The following DLGAP2 variants were observed in gnomAD, a reference collection of about 807,000 sequenced individuals.
The protein encoded by DLGAP2 is DLG associated protein 2, also known as disks large-associated protein 2.
A neutral mutation model predicts 100.3 loss-of-function variants in DLGAP2; 26 were observed. The ratio of observed to expected loss-of-function variants is 0.26; its 90% CI spans 0.19 to 0.36. The LOEUF (loss-of-function observed/expected upper bound fraction) is 0.36. DLGAP2 is among the 10% of genes least tolerant of loss of function. The pLI, the probability that DLGAP2 is intolerant of heterozygous loss-of-function variation, is 1.00. For synonymous variants in DLGAP2, 886 were observed against 630.1 expected, an observed-to-expected ratio of 1.41 and a Z score of -6.08; for missense variants, 1,858 against 1,453.2, an observed-to-expected ratio of 1.28 and a Z score of -4.53.
intron 2 of DLGAP2, among the ~76,000 whole-genome samples, chr8:1,126,391 G>A (rs1796165437): frequency 6.6e-6 from 1 of 151,516 alleles, no homozygotes; most frequent in Non-Finnish European, 1.5e-5. Flanking sequence ...GGCAGATGAG[G>A]AGGGAGGCAG....
intron 3 of DLGAP2, among the ~76,000 whole-genome samples, chr8:1,418,009 C>T (rs929683522): frequency 7.2e-5 from 11 of 152,310 alleles, no homozygotes; most frequent in Admixed American, 2.0e-4. Flanking sequence ...AGAATGGGCT[C>T]TACAGTCCCG....
intron 2 of DLGAP2, among the ~76,000 whole-genome samples, chr8:969,330 T>C (rs1246754791): frequency 6.6e-6 from 1 of 152,172 alleles, no homozygotes; most frequent in Non-Finnish European, 1.5e-5. Flanking sequence ...TCTGCAGATC[T>C]TGGGACTCGT....
rs1563168811 is a variant in DLGAP2, at chr8:1,471,343, CG to C, written c.107-30022del. Reference sequence around the variant, plus strand: ...CTTTCCCGACCCCTCCAGCCTTTCCCGACCCCTCCAGCTTTTCCCGACCCCT... The same window carrying C: ...CTTTCCCGACCCCTCCAGCCTTTCCCACCCCTCCAGCTTTTCCCGACCCCT... On this transcript the variant is annotated intron_variant, in intron 3 of 14. Coordinates refer to ENST00000637795, the MANE Select transcript of DLGAP2 (RefSeq NM_001346810.2). 8.1e-4 allele frequency among the ~76,000 whole-genome samples: 37 copies of C among 45,672 alleles called. 10 individuals carry two copies. Among genetic ancestry groups the C allele is most frequent in the East Asian group, 1.6e-3 (4 of 2,558 alleles). The allele number at this position is 45,672 out of a possible 152,430, so 30.0% of individuals were successfully genotyped here. A position where few individuals can be genotyped will look rare whatever the true frequency, so the allele number is the denominator to read the frequency against.
At chr8:1,319,570 G>A (rs1800848007) in intron 3 of DLGAP2, among the ~76,000 whole-genome samples, 1 of 152,232 alleles carries the variant, frequency 6.6e-6, no homozygotes, top group Non-Finnish European at 1.5e-5. Context: ...ATTTCAAGGA[G>A]CTTGTATTCT....
intron 3 of DLGAP2, among the ~76,000 whole-genome samples, chr8:1,267,340 T>G (rs1799476325): frequency 6.6e-6 from 1 of 151,080 alleles, no homozygotes; most frequent in South Asian, 2.1e-4. Flanking sequence ...GCCGAGGCGG[T>G]GGATCACTTG....
chr8:1,526,203 C>G (rs1194786503), intron 4 of DLGAP2, among the ~76,000 whole-genome samples: 1 of 151,624 alleles, frequency 6.6e-6, no homozygotes, highest in Non-Finnish European at 1.5e-5. Flanking sequence ...CTGCTGGAGC[C>G]TCCTGCATTG....
rs531869991 is a variant in DLGAP2, at chr8:903,255, G to T, written c.19-4657G>T. Among the ~76,000 whole-genome samples, 10 of 152,206 alleles carry T rather than the reference G, an allele frequency of 6.6e-5. No individual in the cohort carries two copies. In the South Asian group the frequency reaches 2.1e-3, roughly 32 times the overall value. On this transcript the variant is annotated intron_variant, in intron 1 of 14. Coordinates refer to ENST00000637795, the MANE Select transcript of DLGAP2 (RefSeq NM_001346810.2). ...CAAGGATGTTTTATGAAGCTACTCAGCAGGTTGGGGAATAGCTGGGTTTGG... is the reference window on the plus strand; with the variant it reads ...CAAGGATGTTTTATGAAGCTACTCATCAGGTTGGGGAATAGCTGGGTTTGG...
At chr8:1,179,430 G>T (rs1212997004) in intron 2 of DLGAP2, among the ~76,000 whole-genome samples, 2 of 152,250 alleles carry the variant, frequency 1.3e-5, no homozygotes, top group African/African-American at 4.8e-5. Context: ...TTCTGGGAAG[G>T]CTCAGCTCCC....
rs1167062398 is a variant in DLGAP2, at chr8:1,558,853, A to G, written c.1231-6830A>G. ...CATGCATGCACACCCATATACCTGC[A>G]CACACACATACACATATACGTACTT... On this transcript the variant is annotated intron_variant, in intron 5 of 14. Transcript: ENST00000637795. Among the ~76,000 whole-genome samples the G allele has an allele frequency of 2.3e-5, 3 of 129,996 alleles. No homozygotes were observed. The East Asian group carries it at 7.8e-4, about 34-fold the overall frequency. 85.3% of individuals were successfully genotyped at this position (129,996 alleles called of 152,430 possible).
chr8:741,546 G>T, intron 1 of DLGAP2, among the ~76,000 whole-genome samples: 1 of 152,176 alleles, frequency 6.6e-6, no homozygotes, highest in East Asian at 1.9e-4. Flanking sequence ...CACCTCTCCT[G>T]ACTTGATGGC....
chr8:1,307,609 C>T lies in DLGAP2; in HGVS notation c.106+48726C>T, dbSNP rs1015171965. ...TTACAGTAGCCAAAGATGGAAGCAG[C>T]CCACGTGTGCAATAGACACGTAAAT... On this transcript the variant is annotated intron_variant, in intron 3 of 14. Coordinates refer to ENST00000637795, the MANE Select transcript of DLGAP2 (RefSeq NM_001346810.2). Among the ~76,000 whole-genome samples, 5 of 152,156 alleles carry T rather than the reference C, an allele frequency of 3.3e-5. No individual in the cohort carries two copies. The South Asian group carries it at 8.3e-4, about 25-fold the overall frequency.
At chr8:1,099,189 C>T (rs1585057784) in intron 2 of DLGAP2, among the ~76,000 whole-genome samples, 1 of 152,194 alleles carries the variant, frequency 6.6e-6, no homozygotes, top group South Asian at 2.1e-4. Flanking sequence ...TTTTACCTGG[C>T]TGTGCTCTCA....
intron 6 of DLGAP2, among the ~76,000 whole-genome samples, chr8:1,620,852 T>G (rs1253285425): frequency 6.6e-6 from 1 of 152,234 alleles, no homozygotes; most frequent in Admixed American, 6.5e-5. Flanking sequence ...TTCTTTTGCC[T>G]GTGGCATAAA....
rs971068245 is a variant in DLGAP2 at position 1,364,337 on chromosome 8, T to C, written c.106+105454T>C. 3.9e-5 allele frequency among the ~76,000 whole-genome samples: 6 copies of C among 152,074 alleles called. No individual in the cohort carries two copies. In the East Asian group the frequency reaches 5.8e-4, roughly 15 times the overall value. On this transcript the variant is annotated intron_variant, in intron 3 of 14. Transcript: ENST00000637795. ...GGGGTGAGAGAACCCAGACTCAGAA[T>C]AGGATCGTTCTCGTGATCGTCAAGG...
Position 1,549,078 on chromosome 8 carries a change from A to C in DLGAP2, c.625A>C (p.Thr209Pro). 1 of 1,586,934 alleles carries C rather than the reference A, an allele frequency of 6.3e-7. No homozygotes were observed. Among genetic ancestry groups the C allele is most frequent in the Non-Finnish European group, 8.5e-7 (1 of 1,170,322 alleles). The change falls in exon 5 of 15, where the codon ACG becomes CCG. Residue 209 changes from threonine to proline, a missense_variant. Coordinates refer to ENST00000637795, the MANE Select transcript of DLGAP2 (RefSeq NM_001346810.2). Reference protein sequence around the residue: ...QLPLHRDGFHTLQYQRTSAAA... With the variant: ...QLPLHRDGFHPLQYQRTSAAA... ...GCCGCTGCACCGGGACGGCTTCCACACGCTGCAGTACCAGAGGACGTCCGC... is the reference window on the plus strand; with the variant it reads ...GCCGCTGCACCGGGACGGCTTCCACCCGCTGCAGTACCAGAGGACGTCCGC...
intron 2 of DLGAP2, among the ~76,000 whole-genome samples, chr8:952,540 G>C (rs1251880108): frequency 2.0e-5 from 3 of 152,136 alleles, no homozygotes; most frequent in Non-Finnish European, 2.9e-5. Context: ...AGGAGGCTGA[G>C]GTGGGAGAAT....
intron 3 of DLGAP2, among the ~76,000 whole-genome samples, chr8:1,358,366 A>G (rs998551421): frequency 4.6e-5 from 7 of 152,210 alleles, no homozygotes; most frequent in East Asian, 1.9e-4. Flanking sequence ...AGGATGGACA[A>G]CTCAAGAGAT....
chr8:1,190,482 A>C (rs1472768993), intron 2 of DLGAP2, among the ~76,000 whole-genome samples: 1 of 152,032 alleles, frequency 6.6e-6, no homozygotes, highest in African/African-American at 2.4e-5. Flanking sequence ...GGTGCCGGGC[A>C]ATCTTTCCCG....
chr8:1,065,584 A>G (rs1235763267), intron 2 of DLGAP2, among the ~76,000 whole-genome samples: 2 of 152,198 alleles, frequency 1.3e-5, no homozygotes, highest in Non-Finnish European at 1.5e-5. Flanking sequence ...CTTAAGAATG[A>G]CATTGTTAAT....
Sources: gnomAD v4.1 joint callset for allele counts (sites outside exome capture counted in the v4.1 genomes callset) on GRCh38, gnomAD v4.1.1 for gene constraint, MANE v1.5 for transcripts, NCBI Gene and HGNC (gene_info 2026-07-23, HGNC 2026-07-21) for gene names.